HTR4: variants seen among roughly 807,000 people sequenced by gnomAD.
HTR4 encodes 5-hydroxytryptamine (serotonin) receptor 4, G protein-coupled.
HTR4 carries 16 observed loss-of-function variants against 36.8 expected under a neutral mutation model. The ratio of observed to expected loss-of-function variants is 0.43; its 90% confidence interval spans 0.29 to 0.66. HTR4 has a LOEUF of 0.66. HTR4 is among the 30% of genes least tolerant of loss of function. The pLI, the probability that HTR4 is intolerant of heterozygous loss-of-function variation, is 0.13. For missense variants in HTR4, 438 were observed against 490.9 expected (o/e 0.89, Z 1.02); for synonymous variants, 189 against 185.1 (o/e 1.02, Z -0.17).
chr5:148,470,770 C>A (rs1446205850), intron 5 of HTR4, among the ~76,000 whole-genome samples: 2 of 152,262 alleles, frequency 1.3e-5, no homozygotes, highest in Middle Eastern at 3.4e-3. Flanking sequence ...CTCACTGCAA[C>A]ATCCACCTCC....
At chr5:148,650,953 A>G (rs1754015383) in intron 1 of HTR4, among the ~76,000 whole-genome samples, 1 of 152,162 alleles carries the variant, frequency 6.6e-6, no homozygotes, top group Non-Finnish European at 1.5e-5. Flanking sequence ...AAGGCACTAT[A>G]ATATGGAGGT....
intron 5 of HTR4, among the ~76,000 whole-genome samples, chr5:148,521,702 G>A (rs758689631): frequency 7.2e-5 from 11 of 151,934 alleles, no homozygotes; most frequent in Non-Finnish European, 1.3e-4. Context: ...CACAGGGATC[G>A]GAATAATGCC....
At chr5:148,574,751 A>T (rs937104069) in intron 2 of HTR4, among the ~76,000 whole-genome samples, 3 of 152,088 alleles carry the variant, frequency 2.0e-5, no homozygotes, top group Admixed American at 2.0e-4. Flanking sequence ...AGTTCCTGTA[A>T]TATACGGTGC....
chr5:148,517,934 T>TA (rs1470197147), intron 5 of HTR4, among the ~76,000 whole-genome samples: 2 of 151,368 alleles, frequency 1.3e-5, no homozygotes, highest in East Asian at 1.9e-4. Flanking sequence ...CTCCTATATA[T>TA]TTTTTTTTAC....
chr5:148,468,886 T>C (rs1459002565), intron 5 of HTR4, among the ~76,000 whole-genome samples: 1 of 152,130 alleles, frequency 6.6e-6, no homozygotes, highest in African/African-American at 2.4e-5. Flanking sequence ...TGAGATCTGA[T>C]AGTTTTATAA....
intron 4 of HTR4, among the ~76,000 whole-genome samples, chr5:148,527,675 T>C (rs770937572): frequency 7.4e-6 from 1 of 135,988 alleles, no homozygotes; most frequent in Non-Finnish European, 1.7e-5. Context: ...GAGGTGCTTA[T>C]GTGATCTTGG....
chr5:148,556,353 C>T (rs1297414550), intron 2 of HTR4, among the ~76,000 whole-genome samples: 1 of 152,126 alleles, frequency 6.6e-6, no homozygotes, highest in African/African-American at 2.4e-5. Flanking sequence ...GGCTTTTGCA[C>T]TGGTTTTGTT....
At position 148,654,085 on chromosome 5, in the gene HTR4, A is replaced by G; in HGVS notation, c.-71T>C. The G allele has an allele frequency of 1.0e-6, 1 of 985,208 alleles. No homozygotes were observed. Among genetic ancestry groups the G allele is most frequent in the Non-Finnish European group, 1.2e-6 (1 of 829,870 alleles). The allele number at this position is 985,208 out of a possible 1,614,324, so 61.0% of individuals were successfully genotyped here. On this transcript the variant is annotated 5_prime_UTR_variant, in exon 1 of 7. Coordinates refer to ENST00000377888, the MANE Select transcript of HTR4 (RefSeq NM_000870.7). The stretch of plus-strand genomic sequence containing the variant: ...ACCCGCTGCCAGAGGCGAGGGAGCG[A>G]GGTGCCCTGGCAGATTCGAGCGGCC...
intron 2 of HTR4, among the ~76,000 whole-genome samples, chr5:148,587,435 T>C (rs972111567): frequency 6.6e-6 from 1 of 152,054 alleles, no homozygotes; most frequent in Non-Finnish European, 1.5e-5. Context: ...CAAGGATGCT[T>C]TGAAGTACTT....
At chr5:148,451,271 A>G (rs770289684) in exon 6 of HTR4, 2 of 1,613,804 alleles carry the variant, frequency 1.2e-6, no homozygotes, top group East Asian at 4.5e-5. Flanking sequence ...AGAACGGTGT[A>G]CCTAGAAAGG....
At chr5:148,463,634 G>A (rs1004723453) in intron 5 of HTR4, among the ~76,000 whole-genome samples, 1 of 151,744 alleles carries the variant, frequency 6.6e-6, no homozygotes, top group Non-Finnish European at 1.5e-5. Context: ...ATATTGTCAA[G>A]ATGTCAAGGC....
At chr5:148,653,972 A>AC (rs1379230388) in intron 1 of HTR4, 90 bp downstream of exon 1, 1 of 779,654 alleles carries the variant, frequency 1.3e-6, no homozygotes, top group African/African-American at 1.9e-5. Flanking sequence ...CAAGCCCCCG[A>AC]CCCCGTCGTG....
chr5:148,522,983 G>C (rs1325045193), intron 5 of HTR4, among the ~76,000 whole-genome samples: 1 of 152,046 alleles, frequency 6.6e-6, no homozygotes, highest in Admixed American at 6.6e-5. Context: ...ACCTAGATGG[G>C]ACAAGGATTC....
At chr5:148,638,452 G>T (rs1190230515) in intron 1 of HTR4, among the ~76,000 whole-genome samples, 2 of 152,126 alleles carry the variant, frequency 1.3e-5, no homozygotes, top group East Asian at 1.9e-4. Flanking sequence ...TTCCTGAGAG[G>T]ATCACATCCA....
At chr5:148,524,570 C>G (rs1043252798) in intron 4 of HTR4, among the ~76,000 whole-genome samples, 5 of 152,206 alleles carry the variant, frequency 3.3e-5, no homozygotes, top group African/African-American at 1.2e-4. Flanking sequence ...GCATGTTACT[C>G]TGGCCTTGGA....
intron 4 of HTR4, 109 bp from the exon 5 acceptor site, chr5:148,523,455 G>T: frequency 1.3e-6 from 1 of 793,158 alleles, no homozygotes; most frequent in Non-Finnish European, 1.9e-6. Flanking sequence ...ATGGAGCAAG[G>T]GATAGAGAAC....
At chr5:148,475,846 C>T (rs1226383403), downstream of HTR4, among the ~76,000 whole-genome samples, 2 of 152,204 alleles carry the variant, frequency 1.3e-5, no homozygotes, top group African/African-American at 4.8e-5. Flanking sequence ...ACTGACGCCT[C>T]ATCACACTGG....
intron 2 of HTR4, among the ~76,000 whole-genome samples, chr5:148,582,307 T>C (rs1761165209): frequency 6.6e-6 from 1 of 152,062 alleles, no homozygotes; most frequent in Non-Finnish European, 1.5e-5. Context: ...AATTTCAAAT[T>C]TGATTTAAGA....
intron 2 of HTR4, among the ~76,000 whole-genome samples, chr5:148,554,370 C>T (rs925816517): frequency 1.3e-5 from 2 of 152,084 alleles, no homozygotes; most frequent in African/African-American, 4.8e-5. Context: ...CCACCGCGCC[C>T]GGCCAGGAAT....
Sources: allele counts gnomAD v4.1 joint callset (sites outside exome capture counted in the v4.1 genomes callset), GRCh38; gene constraint gnomAD v4.1.1; transcripts MANE v1.5; gene names NCBI Gene and HGNC (gene_info 2026-07-23, HGNC 2026-07-21).